Variants in RHOH observed in about 807,000 individuals in gnomAD.
RHOH encodes rho-related GTP-binding protein RhoH.
Under a neutral mutation model 13.8 loss-of-function variants are expected in RHOH, and 6 were observed. The observed-to-expected ratio is 0.44, with a 90% CI of 0.24 to 0.86. The LOEUF (loss-of-function observed/expected upper bound fraction) is 0.86, where lower values mean the gene tolerates loss of function less well. Ranked by LOEUF, RHOH falls within the 40% of genes least tolerant of loss-of-function variation. The pLI is 0.24. For synonymous variants in RHOH, 117 were observed against 103.0 expected (o/e 1.14, Z -0.82); for missense variants, 147 against 244.5 (o/e 0.60, Z 2.66).
At chr4:40,197,936 C>G (rs990769560) in intron 1 of RHOH, among the ~76,000 whole-genome samples, 1 of 152,276 alleles carries the variant, frequency 6.6e-6, no homozygotes, top group Non-Finnish European at 1.5e-5. Context: ...GTTTTAGGTG[C>G]TTTACTAAAT....
chr4:40,237,172 G>A (rs1728681857), intron 1 of RHOH, among the ~76,000 whole-genome samples: 1 of 152,148 alleles, frequency 6.6e-6, no homozygotes, highest in Non-Finnish European at 1.5e-5. Flanking sequence ...CAAAGCACTG[G>A]CCGGGTAAGG....
intron 1 of RHOH, among the ~76,000 whole-genome samples, chr4:40,197,624 G>C (rs1037527086): frequency 6.6e-6 from 1 of 152,268 alleles, no homozygotes; most frequent in Non-Finnish European, 1.5e-5. Context: ...ACTACCCAAG[G>C]TTTGATGAAG....
intron 1 of RHOH, among the ~76,000 whole-genome samples, chr4:40,227,394 T>C (rs1727378257): frequency 6.6e-6 from 1 of 152,212 alleles, no homozygotes; most frequent in African/African-American, 2.4e-5. Flanking sequence ...AAAAATCCTG[T>C]GTAGATGGAA....
In RHOH at chr4:40,243,300, T is replaced by C; in HGVS notation, c.-87T>C. 1.6e-6 allele frequency: 2 copies of C among 1,235,176 alleles called. No homozygotes were observed. The highest frequency in any genetic ancestry group is 2.3e-6 in the Non-Finnish European group (2 of 884,036). 76.5% of individuals were successfully genotyped at this position (1,235,176 alleles called of 1,614,324 possible). On this transcript the variant is annotated 5_prime_UTR_variant, in exon 3 of 3. Coordinates refer to ENST00000381799, the MANE Select transcript of RHOH (RefSeq NM_004310.5). The surrounding 1 kb of genome is among the most constrained non-coding windows in gnomAD (Gnocchi z 6.2). ...CAGACCTACCTGGCTTGCATTCCCCTTGCTGAATGGCGTGTGCTGCAGCTG... is the reference window on the plus strand; with the variant it reads ...CAGACCTACCTGGCTTGCATTCCCCCTGCTGAATGGCGTGTGCTGCAGCTG...
Position 40,228,025 on chromosome 4 carries a change from A to T in RHOH, c.-330-14689A>T, listed in dbSNP as rs375506239. Among the ~76,000 whole-genome samples, 772 of 152,272 alleles carry T rather than the reference A, an allele frequency of 5.1e-3. 16 individuals are homozygous for T. Among genetic ancestry groups the T allele is most frequent in the South Asian group, 0.04 (195 of 4,828 alleles). On this transcript the variant is annotated intron_variant, in intron 1 of 2. Coordinates refer to ENST00000381799, the MANE Select transcript of RHOH (RefSeq NM_004310.5). Reference sequence around the variant, plus strand: ...AAGAAATAATCATATATTTATATTAAAAATATTCACTCAATGTTGCTATAG... The same window carrying T: ...AAGAAATAATCATATATTTATATTATAAATATTCACTCAATGTTGCTATAG...
At chr4:40,235,437 A>G (rs1728429031) in intron 1 of RHOH, 1 of 105,878 alleles carries the variant, frequency 9.4e-6, no homozygotes, top group Non-Finnish European at 2.0e-5. Flanking sequence ...TAAAATTACA[A>G]AATTAGCTGG....
rs375364141 is a variant in RHOH at position 40,197,229 on chromosome 4, T to A, written c.-402T>A. On this transcript the variant is annotated 5_prime_UTR_variant, in exon 1 of 3. Coordinates refer to ENST00000381799, the MANE Select transcript of RHOH (RefSeq NM_004310.5). Reference sequence around the variant, plus strand: ...TGGGCCGCTTTTGTTTTCACCTGCTTTTGTTGAACAAATTTGATTTCCGGA... The same window carrying A: ...TGGGCCGCTTTTGTTTTCACCTGCTATTGTTGAACAAATTTGATTTCCGGA... 6.6e-6 allele frequency: 1 copy of A among 152,264 alleles called. No homozygotes were observed. The highest frequency in any genetic ancestry group is 2.4e-5 in the African/African-American group (1 of 41,464). The allele number at this position is 152,264 out of a possible 1,614,324, so 9.4% of individuals were successfully genotyped here.
chr4:40,231,755 C>A (rs1236958516), intron 1 of RHOH, among the ~76,000 whole-genome samples: 3 of 151,984 alleles, frequency 2.0e-5, no homozygotes, highest in Admixed American at 6.6e-5. Flanking sequence ...CGGCAGGAGC[C>A]TCCCACTTGC....
rs1325827574 is a variant in RHOH at position 40,246,528 on chromosome 4, T to C, written c.*2566T>C. 1 of 152,296 alleles carries C rather than the reference T, an allele frequency of 6.6e-6. No homozygotes were observed. The highest frequency in any genetic ancestry group is 1.5e-5 in the Non-Finnish European group (1 of 68,082). The allele number at this position is 152,296 out of a possible 1,614,324, so 9.4% of individuals were successfully genotyped here. ...GAATCTATGTGTAAACCCTTTCCAG[T>C]GGCAGAATCTGGCAGAAATGGAGCC... On this transcript the variant is annotated 3_prime_UTR_variant, in exon 3 of 3. Coordinates refer to ENST00000381799, the MANE Select transcript of RHOH (RefSeq NM_004310.5).
At chr4:40,212,415 A>T (rs556929187) in intron 1 of RHOH, among the ~76,000 whole-genome samples, 1 of 152,196 alleles carries the variant, frequency 6.6e-6, no homozygotes, top group African/African-American at 2.4e-5. Flanking sequence ...CACAGATGAC[A>T]TGGAAAACTG....
chr4:40,235,602 A>AG (rs1217671636), intron 1 of RHOH, among the ~76,000 whole-genome samples: 100 of 147,590 alleles, frequency 6.8e-4, no homozygotes, highest in South Asian at 1.3e-3. Flanking sequence ...AAAAAAAAAA[A>AG]AAAAAAGAAA....
At chr4:40,212,921 T>G (rs1420436268) in intron 1 of RHOH, 1 of 152,246 alleles carries the variant, frequency 6.6e-6, no homozygotes, top group Non-Finnish European at 1.5e-5. Flanking sequence ...ATTGGGGAAC[T>G]GCTTCCTTTG....
intron 1 of RHOH, among the ~76,000 whole-genome samples, chr4:40,221,512 C>T (rs1726572074): frequency 1.3e-5 from 2 of 152,126 alleles, no homozygotes; most frequent in South Asian, 4.1e-4. Context: ...ATTATTGTAT[C>T]TGTTATGGTC....
chr4:40,231,318 A>ATTTTTT (rs3071888), intron 1 of RHOH, among the ~76,000 whole-genome samples: 1 of 127,720 alleles, frequency 7.8e-6, no homozygotes, highest in Non-Finnish European at 1.6e-5. Flanking sequence ...TTCTTAGGTG[A>ATTTTTT]TTTTTTTTTT....
intron 1 of RHOH, among the ~76,000 whole-genome samples, chr4:40,198,130 G>C (rs1560678479): frequency 6.6e-6 from 1 of 152,370 alleles, no homozygotes; most frequent in African/African-American, 2.4e-5. Context: ...AGAATTCAGT[G>C]ATGAGTGGGG....
intron 1 of RHOH, among the ~76,000 whole-genome samples, chr4:40,210,091 T>C (rs1406863510): frequency 1.5e-5 from 2 of 129,352 alleles, no homozygotes. Context: ...ATTGTGTGCG[T>C]GTGTGTGTGT....
chr4:40,205,948 T>C (rs1009946854), intron 1 of RHOH: 22 of 152,236 alleles, frequency 1.4e-4, no homozygotes, highest in African/African-American at 5.1e-4. Context: ...TTCATGTCTA[T>C]AACCATTTTA....
intron 1 of RHOH, among the ~76,000 whole-genome samples, chr4:40,199,815 G>A (rs1012882265): frequency 1.2e-4 from 19 of 152,228 alleles, no homozygotes; most frequent in African/African-American, 4.3e-4. Flanking sequence ...CTTGGATCTG[G>A]GTGAAAGCCA....
At chr4:40,228,812 T>C (rs768689473) in intron 1 of RHOH, among the ~76,000 whole-genome samples, 8 of 152,252 alleles carry the variant, frequency 5.3e-5, no homozygotes, top group Non-Finnish European at 7.3e-5. Context: ...CTCTCAGAGT[T>C]ACTTTGACTT....
Sources: allele counts gnomAD v4.1 joint callset (sites outside exome capture counted in the v4.1 genomes callset), GRCh38; gene constraint gnomAD v4.1.1; non-coding constraint Gnocchi (gnomAD v3.1); transcripts MANE v1.5; gene names NCBI Gene and HGNC (gene_info 2026-07-23, HGNC 2026-07-21).